Variants in HAL observed in about 807,000 individuals in gnomAD.
HAL encodes histidase.
A neutral mutation model predicts 81.1 loss-of-function variants in HAL; 85 were observed. The ratio of observed to expected loss-of-function variants is 1.05; its 90% CI spans 0.88 to 1.25. The LOEUF (loss-of-function observed/expected upper bound fraction) is 1.25, where lower values mean the gene tolerates loss of function less well. Among genes scored for constraint, HAL ranks in the 50% most tolerant of loss-of-function variants. The pLI is 0.00. For missense variants in HAL, 798 were observed against 836.6 expected (o/e 0.95, Z 0.57); for synonymous variants, 301 against 309.2 (o/e 0.97, Z 0.28).
At chr12:95,976,269 A>G in intron 20 of HAL, 160 bp downstream of exon 20, 1 of 718,404 alleles carries the variant, frequency 1.4e-6, no homozygotes, top group Non-Finnish European at 2.6e-6. Context: ...TGTTTATTAT[A>G]TGGCTTCTTA....
chr12:95,987,273 G>T, intron 11 of HAL, 59 bp from the exon 12 acceptor site: 1 of 1,408,376 alleles, frequency 7.1e-7, no homozygotes, highest in Non-Finnish European at 1.0e-6. Flanking sequence ...CTACATACCC[G>T]TGGATTTTGT....
At chr12:95,990,562 A>G in intron 9 of HAL, 30 bp from the exon 10 acceptor site, 1 of 1,602,698 alleles carries the variant, frequency 6.2e-7, no homozygotes, top group Non-Finnish European at 8.5e-7. Flanking sequence ...CAATTAGTTC[A>G]AGAGTACTGC....
In HAL at chr12:95,996,240, G is replaced by A. The variant is rs1950034759; in HGVS notation, c.-244C>T. On this transcript the variant is annotated 5_prime_UTR_variant, in exon 1 of 21. Coordinates refer to ENST00000261208, the MANE Select transcript of HAL (RefSeq NM_002108.4). ...TCCCTGATGGCACCTACCTGCTGCT[G>A]GCCCCCTTTCTTCAGGGTCCCCAAT... 1.2e-5 allele frequency: 4 copies of A among 344,226 alleles called. No individual in the cohort carries two copies. The South Asian group carries it at 1.2e-4, about 10-fold the overall frequency. The allele number at this position is 344,226 out of a possible 1,614,324, so 21.3% of individuals were successfully genotyped here. A position where few individuals can be genotyped will look rare whatever the true frequency, so the allele number is the denominator to read the frequency against.
intron 18 of HAL, among the ~76,000 whole-genome samples, 172 bp downstream of exon 18, chr12:95,977,771 TC>T (rs1184705482): frequency 1.3e-5 from 2 of 152,162 alleles, no homozygotes; most frequent in African/African-American, 4.8e-5. Flanking sequence ...CACAGATTGC[TC>T]CGCTCTCCTC....
At chr12:95,989,177 G>C (rs201185782) in intron 10 of HAL, among the ~76,000 whole-genome samples, 1 of 152,084 alleles carries the variant, frequency 6.6e-6, no homozygotes, top group African/African-American at 2.4e-5. Context: ...TTCTTAGAGG[G>C]CTTTTCTATT....
chr12:95,974,040 C>T lies in HAL; in HGVS notation c.*192G>A, dbSNP rs757238798. 6.5e-5 allele frequency: 43 copies of T among 657,488 alleles called. 1 individual carries two copies. Among genetic ancestry groups the T allele is most frequent in the South Asian group, 6.3e-4 (36 of 57,502 alleles). 40.7% of individuals were successfully genotyped at this position (657,488 alleles called of 1,614,324 possible). ...AAAATACCTGGTGGGTCTTGAACCA[C>T]GACAACAGGAACACAGTGCTGAATT... On this transcript the variant is annotated 3_prime_UTR_variant, in exon 21 of 21. Coordinates refer to ENST00000261208, the MANE Select transcript of HAL (RefSeq NM_002108.4).
chr12:95,976,259 T>C, intron 20 of HAL, 170 bp downstream of exon 20: 1 of 699,062 alleles, frequency 1.4e-6, no homozygotes, highest in Admixed American at 2.1e-5. Context: ...GTGCACTTAG[T>C]GTTTATTATA....
Position 95,973,663 on chromosome 12 carries a change from T to C in HAL, c.*569A>G, listed in dbSNP as rs2080680821. Reference sequence around the variant, plus strand: ...CTACAATTAATAGCTGAAGACCCTATTGACTACTCTTTACTATGATCCAAT... The same window carrying C: ...CTACAATTAATAGCTGAAGACCCTACTGACTACTCTTTACTATGATCCAAT... On this transcript the variant is annotated 3_prime_UTR_variant, in exon 21 of 21. Coordinates refer to ENST00000261208, the MANE Select transcript of HAL (RefSeq NM_002108.4). 1.3e-5 allele frequency: 2 copies of C among 155,574 alleles called. No individual in the cohort carries two copies. The highest frequency in any genetic ancestry group is 6.3e-5 in the Admixed American group (1 of 15,968). 9.6% of individuals were successfully genotyped at this position (155,574 alleles called of 1,614,324 possible).
At chr12:95,986,808 G>C (rs1949894648) in intron 12 of HAL, among the ~76,000 whole-genome samples, 1 of 152,162 alleles carries the variant, frequency 6.6e-6, no homozygotes, top group East Asian at 1.9e-4. Flanking sequence ...CACAGAGCTT[G>C]ACACACCCAG....
chr12:95,975,287 G>A (rs777878318), intron 20 of HAL, among the ~76,000 whole-genome samples: 1 of 151,996 alleles, frequency 6.6e-6, no homozygotes, highest in African/African-American at 2.4e-5. Context: ...TTTAATGTTG[G>A]AGAGGCACTG....
intron 15 of HAL, among the ~76,000 whole-genome samples, chr12:95,983,337 G>A (rs1288237904): frequency 1.3e-5 from 2 of 152,018 alleles, no homozygotes; most frequent in African/African-American, 2.4e-5. Flanking sequence ...GCAGAGAGCC[G>A]AGATGGCACC....
intron 9 of HAL, among the ~76,000 whole-genome samples, chr12:95,991,661 G>A (rs80084639): frequency 0.16 from 24,093 of 152,244 alleles, 2,479 homozygotes; most frequent in Non-Finnish European, 0.24. Context: ...GGGTATGGCA[G>A]TGCCATCCAC....
At position 95,994,967 on chromosome 12, in the gene HAL, C is replaced by G. The variant is rs1214180883; in HGVS notation, c.274G>C (p.Asp92His). Residue 92 changes from aspartate (D) to histidine (H), a missense_variant, in exon 3 of 21, where the codon GAC becomes CAC. Physicochemically the swap from Asp to His is moderately conservative, Grantham distance 81. Transcript: ENST00000261208. ...CCTTCTGGTTGAGATGGAATGAAGT[C>G]AGGAGACATGGCATCACCCTCTATA... The part of the protein sequence containing the change: ...VVIEGDAMSP[D>H]FIPSQPEGVY... 2 of 1,612,616 alleles carry G rather than the reference C, an allele frequency of 1.2e-6. No homozygotes were observed. The highest frequency in any genetic ancestry group is 4.5e-5 in the East Asian group (2 of 44,886).
chr12:95,982,228 A>G (rs2080803314), intron 15 of HAL, among the ~76,000 whole-genome samples: 1 of 152,238 alleles, frequency 6.6e-6, no homozygotes, highest in African/African-American at 2.4e-5. Context: ...ATTGAGACAC[A>G]TATTCTTTCA....
intron 8 of HAL, 140 bp downstream of exon 8, chr12:95,993,311 T>C: frequency 1.4e-6 from 1 of 739,050 alleles, no homozygotes; most frequent in Non-Finnish European, 2.5e-6. Context: ...TCTGCATCCC[T>C]TCTCACCTCG....
At position 95,983,878 on chromosome 12, in the gene HAL, A is replaced by G. The variant is rs759124351; in HGVS notation, c.1287+33T>C. On this transcript the variant is annotated intron_variant, in intron 15 of 20. Coordinates refer to ENST00000261208, the MANE Select transcript of HAL (RefSeq NM_002108.4). ...TCCTAAAATTACCAGCTGCAATTCT[A>G]TAATTGCAGGTTAGTATACAATCAA... 50 of 1,094,174 alleles carry G rather than the reference A, an allele frequency of 4.6e-5. No homozygotes were observed. In the East Asian group the frequency reaches 1.1e-3, roughly 23 times the overall value. 67.8% of individuals were successfully genotyped at this position (1,094,174 alleles called of 1,614,324 possible).
intron 14 of HAL, among the ~76,000 whole-genome samples, chr12:95,984,241 G>C (rs1035696060): frequency 7.9e-5 from 12 of 152,160 alleles, no homozygotes; most frequent in Non-Finnish European, 1.6e-4. Flanking sequence ...ATACAAAGCA[G>C]CATGGTGTGG....
At chr12:95,994,867 C>G (rs757847983) in intron 3 of HAL, 42 bp from the exon 4 acceptor site, 1 of 1,611,150 alleles carries the variant, frequency 6.2e-7, no homozygotes, top group South Asian at 1.1e-5. Flanking sequence ...TGTGGAAAAA[C>G]CCCCAGCCCC....
At chr12:95,982,922 C>CTG (rs2080810636) in intron 15 of HAL, among the ~76,000 whole-genome samples, 1 of 152,206 alleles carries the variant, frequency 6.6e-6, no homozygotes, top group African/African-American at 2.4e-5. Context: ...ATCACCTCAA[C>CTG]ATCTGGGGAA....
Sources: allele counts gnomAD v4.1 joint callset (sites outside exome capture counted in the v4.1 genomes callset), GRCh38; gene constraint gnomAD v4.1.1; transcripts MANE v1.5; gene names NCBI Gene and HGNC (gene_info 2026-07-23, HGNC 2026-07-21).